PTRH1: variants seen among roughly 807,000 people sequenced by gnomAD.
The protein encoded by PTRH1 is peptidyl-tRNA hydrolase 1 homolog.
In PTRH1, 13 loss-of-function variants were observed where a neutral mutation model predicts 15.7. The observed-to-expected ratio is 0.83, with a 90% CI of 0.54 to 1.31. The LOEUF (loss-of-function observed/expected upper bound fraction) is 1.31, where lower values mean the gene tolerates loss of function less well. Ranked by LOEUF, PTRH1 falls within the 40% of genes most tolerant of loss-of-function variation. The pLI is 0.00. For missense variants in PTRH1, 319 were observed against 296.2 expected (o/e 1.08, Z -0.56); for synonymous variants, 139 against 136.7 (o/e 1.02, Z -0.12).
At chr9:127,697,575 C>T (rs534687498) in intron 1 of PTRH1, among the ~76,000 whole-genome samples, 35 of 152,128 alleles carry the variant, frequency 2.3e-4, no homozygotes, top group Non-Finnish European at 4.3e-4. Context: ...GCAGGAGAAT[C>T]ACTTGAACCC....
At chr9:127,712,994 T>C (rs1842803201), downstream of PTRH1, 4 of 1,608,830 alleles carry the variant, frequency 2.5e-6, no homozygotes, top group Non-Finnish European at 3.4e-6. Context: ...CCGAAGGCTC[T>C]GTGACCCTCG....
At chr9:127,707,191 C>G (rs749457482) in intron 1 of PTRH1, 2 of 1,610,648 alleles carry the variant, frequency 1.2e-6, no homozygotes, top group Non-Finnish European at 1.7e-6. Flanking sequence ...CCGGCTAGCC[C>G]GGTGCGTGGG....
chr9:127,712,055 A>C, downstream of PTRH1: 3 of 1,503,520 alleles, frequency 2.0e-6, no homozygotes, highest in Non-Finnish European at 2.7e-6. Context: ...TCCCCTCTCT[A>C]GAGGAGCCTG....
chr9:127,714,709 A>C lies in PTRH1; in HGVS notation c.317-7T>G. 6.2e-7 allele frequency: 1 copy of C among 1,607,336 alleles called. No homozygotes were observed. The highest frequency in any genetic ancestry group is 1.1e-5 in the South Asian group (1 of 90,098). On this transcript the variant is annotated splice_region_variant and splice_polypyrimidine_tract_variant and intron_variant, in intron 2 of 4. Coordinates refer to ENST00000543175, the MANE Select transcript of PTRH1 (RefSeq NM_001002913.3). ...GTCAGCCCAAACAGCTCCGCTTAGC[A>C]CAGGGAAACGGCAGCCCTGGTTACT...
chr9:127,696,236 T>G (rs1842558963), intron 1 of PTRH1, among the ~76,000 whole-genome samples: 1 of 152,090 alleles, frequency 6.6e-6, no homozygotes, highest in African/African-American at 2.4e-5. Flanking sequence ...CTCAGGAGGC[T>G]GGGGTGGGAG....
chr9:127,700,891 A>G (rs1349859767), intron 1 of PTRH1, among the ~76,000 whole-genome samples: 1 of 152,264 alleles, frequency 6.6e-6, no homozygotes, highest in Non-Finnish European at 1.5e-5. Context: ...AGATAAGAAG[A>G]CTATGAACTG....
At position 127,713,949 on chromosome 9, in the gene PTRH1, C is replaced by A; in HGVS notation, c.*151G>T. ...TACTCCAGAAATGGACTGGTCCAGT[C>A]ACAGTCACCCCCACTTTAATCCGCA... On this transcript the variant is annotated 3_prime_UTR_variant, in exon 5 of 5. Coordinates refer to ENST00000543175, the MANE Select transcript of PTRH1 (RefSeq NM_001002913.3). 6.3e-7 allele frequency: 1 copy of A among 1,590,114 alleles called. No homozygotes were observed. The highest frequency in any genetic ancestry group is 1.1e-5 in the South Asian group (1 of 90,484).
intron 1 of PTRH1, among the ~76,000 whole-genome samples, chr9:127,704,038 C>G (rs577727511): frequency 6.6e-6 from 1 of 152,188 alleles, no homozygotes; most frequent in Non-Finnish European, 1.5e-5. Context: ...GGGAGGAGAG[C>G]CCCTGTCTTT....
intron 1 of PTRH1, among the ~76,000 whole-genome samples, chr9:127,704,178 C>A (rs376190914): frequency 6.6e-6 from 1 of 152,232 alleles, no homozygotes; most frequent in South Asian, 2.1e-4. Flanking sequence ...TTCTCTGATA[C>A]CAGCTGGGTA....
downstream of PTRH1, chr9:127,712,277 T>C: frequency 6.2e-7 from 1 of 1,614,022 alleles, no homozygotes; most frequent in Non-Finnish European, 8.5e-7. Flanking sequence ...AACTGGCTAA[T>C]GAGCAGAAGG....
rs996525600 is a variant in PTRH1 at position 127,715,458 on chromosome 9, T to C, written c.96+86A>G. On this transcript the variant is annotated intron_variant, in intron 1 of 4. Transcript: ENST00000543175. The surrounding 1 kb of genome is among the most constrained non-coding windows in gnomAD (Gnocchi z 5.8). ...ACCAGTTAAGAAAACAGAGCAGCAATTTGGGGGCACTCGGCTCCCGGGACA... is the reference window on the plus strand; with the variant it reads ...ACCAGTTAAGAAAACAGAGCAGCAACTTGGGGGCACTCGGCTCCCGGGACA... 2.4e-5 allele frequency: 37 copies of C among 1,573,932 alleles called. No homozygotes were observed. Among genetic ancestry groups the C allele is most frequent in the Non-Finnish European group, 3.0e-5 (35 of 1,151,028 alleles).
chr9:127,695,523 A>C (rs1002912110), intron 1 of PTRH1: 4 of 189,068 alleles, frequency 2.1e-5, no homozygotes, highest in Non-Finnish European at 4.3e-5. Context: ...GCCACTCCCT[A>C]AGCGCAGTTT....
downstream of PTRH1, chr9:127,710,767 G>A (rs905350154): frequency 6.4e-7 from 1 of 1,557,398 alleles, no homozygotes; most frequent in Non-Finnish European, 8.7e-7. Context: ...GGGCAAGCGG[G>A]GCACCCTTTG....
chr9:127,694,344 A>C (rs1187284657), intron 2 of PTRH1, among the ~76,000 whole-genome samples: 2 of 152,202 alleles, frequency 1.3e-5, no homozygotes, highest in Non-Finnish European at 2.9e-5. Context: ...TTAAAGCAAA[A>C]GCAGCACTGT....
At chr9:127,709,502 A>G, downstream of PTRH1, 1 of 1,614,092 alleles carries the variant, frequency 6.2e-7, no homozygotes. This position sits in a 1 kb window ranked among gnomAD's most constrained non-coding sequence, Gnocchi z 4.7. Context: ...AATAACAAGA[A>G]GGAGATTGTG....
chr9:127,715,471 G>A lies in PTRH1; in HGVS notation c.96+73C>T. The A allele has an allele frequency of 6.3e-7, 1 of 1,599,566 alleles. No homozygotes were observed. The highest frequency in any genetic ancestry group is 8.5e-7 in the Non-Finnish European group (1 of 1,170,686). On this transcript the variant is annotated intron_variant, in intron 1 of 4. Transcript: ENST00000543175. The surrounding 1 kb of genome is among the most constrained non-coding windows in gnomAD (Gnocchi z 5.8). Reference sequence around the variant, plus strand: ...ACAGAGCAGCAATTTGGGGGCACTCGGCTCCCGGGACATAATGGCCGAACT... The same window carrying A: ...ACAGAGCAGCAATTTGGGGGCACTCAGCTCCCGGGACATAATGGCCGAACT...
rs1842541898 is a variant in PTRH1 at position 127,694,799 on chromosome 9, C to T, written c.420+128G>A. On this transcript the variant is annotated intron_variant, in intron 2 of 2. Transcript: ENST00000335223. ...TGCATGCTTTGGGTTGTTTGGAATT[C>T]CCTGCTCCTCCAAGGATATTTAACA... The T allele has an allele frequency of 6.8e-6, 4 of 588,600 alleles. No homozygotes were observed. In the South Asian group the frequency reaches 8.7e-5, roughly 13 times the overall value. The allele number at this position is 588,600 out of a possible 1,614,324, so 36.5% of individuals were successfully genotyped here. A position where few individuals can be genotyped will look rare whatever the true frequency, so the allele number is the denominator to read the frequency against.
At chr9:127,714,548 C>T (rs1842870055) in intron 3 of PTRH1, 55 bp downstream of exon 3, 2 of 1,596,052 alleles carry the variant, frequency 1.3e-6, no homozygotes, top group East Asian at 2.2e-5. Context: ...CCCTACTCCA[C>T]CCCAACTGGG....
downstream of PTRH1, chr9:127,711,985 G>A (rs758829767): frequency 1.3e-6 from 2 of 1,580,970 alleles, no homozygotes; most frequent in Non-Finnish European, 8.6e-7. Flanking sequence ...GGCGGCGGGT[G>A]CAGGCTGGGG....
Sources: allele counts gnomAD v4.1 joint callset (sites outside exome capture counted in the v4.1 genomes callset), GRCh38; gene constraint gnomAD v4.1.1; non-coding constraint Gnocchi (gnomAD v3.1); transcripts MANE v1.5; gene names NCBI Gene and HGNC (gene_info 2026-07-23, HGNC 2026-07-21).